ATP6AP1: variants seen among roughly 807,000 people sequenced by gnomAD.
The protein encoded by ATP6AP1 is V-type proton ATPase subunit S1.
A neutral mutation model predicts 32.0 loss-of-function variants in ATP6AP1; 1 was observed. That is an observed-to-expected ratio of 0.03 (90% CI 0.01 to 0.15). The LOEUF (loss-of-function observed/expected upper bound fraction) is 0.15. Among genes scored for constraint, ATP6AP1 ranks in the 10% least tolerant of loss-of-function variants. ATP6AP1 has a pLI of 1.00. For synonymous variants in ATP6AP1, 187 were observed against 174.9 expected (o/e 1.07, Z -0.55); for missense variants, 297 against 398.8 (o/e 0.74, Z 2.17).
At chrX:154,432,189 G>A in intron 3 of ATP6AP1, 77 bp from the exon 4 acceptor site, 2 of 986,903 alleles carry the variant, frequency 2.0e-6, no homozygotes, top group Non-Finnish European at 2.8e-6. Context: ...GAGGAGAGCT[G>A]CCAGAGAGGT....
At position 154,431,924 on chromosome X, in the gene ATP6AP1, C is replaced by T; in HGVS notation, c.363+20C>T. 8.3e-7 allele frequency: 1 copy of T among 1,201,470 alleles called. No homozygotes were observed. The highest frequency in any genetic ancestry group is 1.1e-6 in the Non-Finnish European group (1 of 886,490). ...CTAGAGGTGAGAGTCCTCTCCCAGC[C>T]AGGGGCCATGGGGGACATTCTGTGC... On this transcript the variant is annotated intron_variant, in intron 3 of 9. Transcript: ENST00000369762.
chrX:154,429,017 G>C (rs781853325), intron 1 of ATP6AP1, 31 bp from the exon 2 acceptor site: 1 of 1,205,110 alleles, frequency 8.3e-7, no homozygotes, highest in Non-Finnish European at 1.1e-6. Context: ...ATGCGCCCCC[G>C]TCTGACAGCA....
chrX:154,432,176 C>T, intron 3 of ATP6AP1, 90 bp from the exon 4 acceptor site: 1 of 927,307 alleles, frequency 1.1e-6, no homozygotes, highest in Non-Finnish European at 1.5e-6. Flanking sequence ...GTATGGCTTG[C>T]CAGAGGAGAG....
In ATP6AP1 at chrX:154,435,929, C is replaced by G; in HGVS notation, c.*38C>G. On this transcript the variant is annotated 3_prime_UTR_variant, in exon 10 of 10. Transcript: ENST00000369762. ...GGGGGGGTTGAGGGTGGGACGGTGTCCGTGTTGTTGCTTTCCCACCCTGCA... is the reference window on the plus strand; with the variant it reads ...GGGGGGGTTGAGGGTGGGACGGTGTGCGTGTTGTTGCTTTCCCACCCTGCA... The G allele has an allele frequency of 8.6e-7, 1 of 1,162,464 alleles. No individual in the cohort carries two copies. The highest frequency in any genetic ancestry group is 1.8e-5 in the South Asian group (1 of 55,732).
chrX:154,432,046 C>G (rs2068696280), intron 3 of ATP6AP1, 142 bp downstream of exon 3: 2 of 740,479 alleles, frequency 2.7e-6, no homozygotes, highest in African/African-American at 4.3e-5. Flanking sequence ...AAAACAACAA[C>G]AACAACAAAA....
At chrX:154,434,087 T>C (rs1476065361) in intron 6 of ATP6AP1, 121 bp from the exon 7 acceptor site, 1 of 707,297 alleles carries the variant, frequency 1.4e-6, no homozygotes, top group African/African-American at 2.1e-5. Flanking sequence ...CTCTGGCTGA[T>C]GGGACTTTGA....
At chrX:154,432,843 G>T in intron 4 of ATP6AP1, 88 bp from the exon 5 acceptor site, 1 of 1,072,697 alleles carries the variant, frequency 9.3e-7, no homozygotes, top group South Asian at 1.9e-5. Context: ...GGGGCTAGTG[G>T]GGAGGAGAAG....
chrX:154,433,022 G>A (rs782009622), intron 5 of ATP6AP1, 51 bp downstream of exon 5: 4 of 1,178,247 alleles, frequency 3.4e-6, no homozygotes, highest in Admixed American at 2.2e-5. Context: ...TTGGGTGGGG[G>A]CCACAGAGAG....
In ATP6AP1 at chrX:154,434,388, A is replaced by T; in HGVS notation, c.865A>T (p.Thr289Ser). 4 of 1,211,680 alleles carry T rather than the reference A, an allele frequency of 3.3e-6. No individual in the cohort carries two copies. The highest frequency in any genetic ancestry group is 4.5e-6 in the Non-Finnish European group (4 of 895,433). The change falls in exon 7 of 10, where the codon ACC becomes TCC. Residue 289 changes from threonine (T) to serine (S), a missense_variant. Transcript: ENST00000369762. ...KDQWEDLTPL[T>S]FGVQELNLTG... is the part of the protein sequence containing the mutation. Reference sequence around the variant, plus strand: ...CCAGTGGGAGGACCTGACTCCCCTCACCTTTGGGGTGCAGGAACTCAACCT... The same window carrying T: ...CCAGTGGGAGGACCTGACTCCCCTCTCCTTTGGGGTGCAGGAACTCAACCT...
In ATP6AP1 at chrX:154,434,214, C is replaced by T. The variant is rs1224999691; in HGVS notation, c.691C>T (p.Arg231Cys). 3.3e-6 allele frequency: 4 copies of T among 1,211,106 alleles called. No homozygotes were observed. Among genetic ancestry groups the T allele is most frequent in the Admixed American group, 2.2e-5 (1 of 46,003 alleles). Residue 231 changes from arginine to cysteine, a missense_variant, in exon 7 of 10, where the codon CGT (arginine) becomes TGT (cysteine). Physicochemically the swap from Arg to Cys is radical, Grantham distance 180 (BLOSUM62 -3). Coordinates refer to ENST00000369762, the MANE Select transcript of ATP6AP1 (RefSeq NM_001183.6). ...TGGTTGGGTGTTTCTGCAGGTGGCC[C>T]GTGATGTAGCCGTGGTGGCCGGAGG... ...LTAVRPSRVA[R>C]DVAVVAGGLG... is the part of the protein sequence containing the mutation.
In ATP6AP1 at chrX:154,435,907, G is replaced by A; in HGVS notation, c.*16G>A. On this transcript the variant is annotated 3_prime_UTR_variant, in exon 10 of 10. Coordinates refer to ENST00000369762, the MANE Select transcript of ATP6AP1 (RefSeq NM_001183.6). ...GATTGTGTGACCCTGTGCCAGTGGG[G>A]GGGTTGAGGGTGGGACGGTGTCCGT... is the stretch of plus-strand genomic sequence containing the variant. 1 of 1,197,192 alleles carries A rather than the reference G, an allele frequency of 8.4e-7. No homozygotes were observed. Among genetic ancestry groups the A allele is most frequent in the Non-Finnish European group, 1.1e-6 (1 of 882,905 alleles).
chrX:154,432,227 CCCTGGCT>C, intron 3 of ATP6AP1, 32 bp from the exon 4 acceptor site: 1 of 1,139,815 alleles, frequency 8.8e-7, no homozygotes, highest in Non-Finnish European at 1.2e-6. Flanking sequence ...GCCCACTGGC[CCCTGGCT>C]AACTCACCTT....
At position 154,433,751 on chromosome X, in the gene ATP6AP1, C is replaced by T. The variant is rs1557197214; in HGVS notation, c.684+31C>T. ...TGCCCTTCCAGCAGGGGCTCTGGGG[C>T]GTGCAGGGAGAGGCAGTGTGGTGAG... On this transcript the variant is annotated intron_variant, in intron 6 of 9. Transcript: ENST00000369762. The T allele has an allele frequency of 5.1e-6, 6 of 1,184,032 alleles. No homozygotes were observed. The Admixed American group carries it at 6.6e-5, about 13-fold the overall frequency.
chrX:154,433,824 GC>G, intron 6 of ATP6AP1, 104 bp downstream of exon 6: 1 of 848,168 alleles, frequency 1.2e-6, no homozygotes, highest in Non-Finnish European at 1.7e-6. Flanking sequence ...TGCCCAGGAG[GC>G]CCAGCATAGG....
intron 5 of ATP6AP1, 25 bp downstream of exon 5, chrX:154,432,996 C>T (rs782750184): frequency 4.1e-6 from 5 of 1,205,115 alleles, no homozygotes; most frequent in East Asian, 5.9e-5. Context: ...GGAGGATGCA[C>T]GTCCTCATCT....
At chrX:154,432,577 G>C in intron 4 of ATP6AP1, 118 bp downstream of exon 4, 2 of 985,828 alleles carry the variant, frequency 2.0e-6, no homozygotes, top group Admixed American at 3.7e-5. Context: ...CCCCCTCACA[G>C]CCCTTCCAGA....
Position 154,431,329 on chromosome X carries a change from A to G in ATP6AP1, c.289-501A>G, listed in dbSNP as rs782138806. On this transcript the variant is annotated intron_variant, in intron 2 of 9. Transcript: ENST00000369762. ...CACTGTGGTCCTAAGAGCTCAAAAGACTTCAATGCTCGATGCTTCCTCCAG... is the reference window on the plus strand; with the variant it reads ...CACTGTGGTCCTAAGAGCTCAAAAGGCTTCAATGCTCGATGCTTCCTCCAG... The G allele has an allele frequency of 4.2e-5, 5 of 119,296 alleles. No individual in the cohort carries two copies. In the South Asian group the frequency reaches 1.0e-3, roughly 25 times the overall value. The allele number at this position is 119,296 out of a possible 1,213,427, so 9.8% of individuals were successfully genotyped here.
At chrX:154,430,191 C>G (rs2068686139) in intron 2 of ATP6AP1, 1 of 108,371 alleles carries the variant, frequency 9.2e-6, no homozygotes. Context: ...GCTCACTGCA[C>G]CCTCCGCCTC....
chrX:154,432,255 C>T lies in ATP6AP1; in HGVS notation c.364-11C>T. On this transcript the variant is annotated splice_polypyrimidine_tract_variant and intron_variant, in intron 3 of 9. Coordinates refer to ENST00000369762, the MANE Select transcript of ATP6AP1 (RefSeq NM_001183.6). ...TGGCTAACTCACCTTTTGCCTCTCC[C>T]CTGTCCCCAGAATGCCCTGGACCTG... The T allele has an allele frequency of 1.7e-6, 2 of 1,191,946 alleles. No homozygotes were observed.
Sources: allele counts gnomAD v4.1 joint callset, GRCh38; gene constraint gnomAD v4.1.1; transcripts MANE v1.5; gene names NCBI Gene and HGNC (gene_info 2026-07-23, HGNC 2026-07-21).